The following GRIP1 variants were observed in gnomAD, a reference collection of about 807,000 sequenced individuals.
The protein encoded by GRIP1 is glutamate receptor-interacting protein 1.
GRIP1 carries 45 observed loss-of-function variants against 129.9 expected under a neutral mutation model. That is an observed-to-expected ratio of 0.35 (90% confidence interval 0.27 to 0.44). The LOEUF (loss-of-function observed/expected upper bound fraction) is 0.44, where lower values mean the gene tolerates loss of function less well. Among genes scored for constraint, GRIP1 ranks in the 20% least tolerant of loss-of-function variants. The pLI is 1.00. For missense variants in GRIP1, 1,196 were observed against 1,396.8 expected, an observed-to-expected ratio of 0.86 and a Z score of 2.29; for synonymous variants, 530 against 520.8, an observed-to-expected ratio of 1.02 and a Z score of -0.24.
intron 15 of GRIP1, among the ~76,000 whole-genome samples, chr12:66,416,200 C>T (rs763838347): frequency 1.3e-4 from 20 of 151,926 alleles, no homozygotes; most frequent in Non-Finnish European, 1.9e-4. Context: ...TAAAAAATTT[C>T]GTGAAACAAA....
Position 66,700,430 on chromosome 12 carries a change from G to A in GRIP1, c.-419-70094C>T, listed in dbSNP as rs142658295. ...GTGATGGGAACCAGTGCCAGTGGCA[G>A]CTTTTTTTTTTTTTTTTAAATTAAG... On this transcript the variant is annotated intron_variant, in intron 1 of 4. Coordinates refer to the GRIP1 transcript ENST00000538373. 8.5e-3 allele frequency among the ~76,000 whole-genome samples: 1,266 copies of A among 149,050 alleles called. 21 individuals are homozygous for A. Among genetic ancestry groups the A allele is most frequent in the African/African-American group, 0.029 (1,168 of 40,258 alleles).
intron 1 of GRIP1, among the ~76,000 whole-genome samples, chr12:66,978,578 G>A (rs1019156612): frequency 6.6e-6 from 1 of 152,142 alleles, no homozygotes; most frequent in Non-Finnish European, 1.5e-5. Context: ...CATAGCTGAT[G>A]ATGCCCAGGC....
chr12:66,924,191 T>C, intron 1 of GRIP1, among the ~76,000 whole-genome samples: 1 of 152,288 alleles, frequency 6.6e-6, no homozygotes, highest in East Asian at 1.9e-4. Flanking sequence ...CAGAAAGCAC[T>C]GAAACAATTT....
chr12:66,822,493 T>C (rs1300441691), intron 1 of GRIP1, among the ~76,000 whole-genome samples: 4 of 152,178 alleles, frequency 2.6e-5, no homozygotes, highest in Non-Finnish European at 4.4e-5. Flanking sequence ...GGCAATCCCA[T>C]TACTTGGTAT....
At chr12:67,045,890 T>A (rs1218060005) in intron 1 of GRIP1, among the ~76,000 whole-genome samples, 1 of 152,148 alleles carries the variant, frequency 6.6e-6, no homozygotes, top group Admixed American at 6.6e-5. Context: ...CCGCAACAGT[T>A]AAAGAGACTG....
intron 1 of GRIP1, among the ~76,000 whole-genome samples, chr12:66,677,328 T>C (rs10878495): frequency 0.19 from 28,971 of 152,146 alleles, 2,972 homozygotes; most frequent in East Asian, 0.26. Context: ...GTAGTACTTA[T>C]AAAAGAACTG....
chr12:66,509,804 AG>A (rs1413483548), intron 7 of GRIP1, among the ~76,000 whole-genome samples: 1 of 152,114 alleles, frequency 6.6e-6, no homozygotes, highest in Non-Finnish European at 1.5e-5. Context: ...TCACGGGGGC[AG>A]GGGAAGGGAG....
chr12:66,975,720 G>C (rs1056214328), intron 1 of GRIP1, among the ~76,000 whole-genome samples: 1 of 152,168 alleles, frequency 6.6e-6, no homozygotes, highest in Non-Finnish European at 1.5e-5. Flanking sequence ...CCAGTTAGGA[G>C]AGTGTTCCCA....
intron 23 of GRIP1, among the ~76,000 whole-genome samples, chr12:66,358,863 T>C (rs1490652884): frequency 6.6e-6 from 1 of 152,196 alleles, no homozygotes. Context: ...GTTATTAGAA[T>C]TGGTAATAGA....
chr12:66,947,883 A>T lies in GRIP1; in HGVS notation c.58+121167T>A, dbSNP rs1443017681. On this transcript the variant is annotated intron_variant, in intron 1 of 1. Coordinates refer to the GRIP1 transcript ENST00000643019. ...CATTTGCAGCTGAAATGAAGGAACC[A>T]TCTTCATGTTCCAGGGCATGAAGGG... Among the ~76,000 whole-genome samples, 3 of 152,222 alleles carry T rather than the reference A, an allele frequency of 2.0e-5. No individual in the cohort carries two copies. The East Asian group carries it at 5.8e-4, about 29-fold the overall frequency.
chr12:67,035,613 T>G (rs2043083481), intron 1 of GRIP1: 2 of 152,166 alleles, frequency 1.3e-5, no homozygotes, highest in Non-Finnish European at 2.9e-5. Context: ...CATGATGCGT[T>G]TGCAGGAAAA....
chr12:66,665,520 G>C (rs1392477290), intron 1 of GRIP1, among the ~76,000 whole-genome samples: 1 of 152,112 alleles, frequency 6.6e-6, no homozygotes, highest in Non-Finnish European at 1.5e-5. Context: ...ATTTGGAATG[G>C]TTTTGAGATC....
intron 1 of GRIP1, among the ~76,000 whole-genome samples, chr12:66,615,168 A>G (rs1300999393): frequency 6.6e-6 from 1 of 152,172 alleles, no homozygotes; most frequent in Non-Finnish European, 1.5e-5. Context: ...TATTGGCTGA[A>G]TATTTTGAAT....
At chr12:66,422,000 A>C (rs971435076) in intron 14 of GRIP1, among the ~76,000 whole-genome samples, 3 of 152,194 alleles carry the variant, frequency 2.0e-5, no homozygotes, top group African/African-American at 7.2e-5. Flanking sequence ...ATTTGCCTCC[A>C]AGAGGAGATA....
intron 14 of GRIP1, among the ~76,000 whole-genome samples, chr12:66,424,108 A>C (rs939247434): frequency 2.0e-5 from 3 of 152,180 alleles, no homozygotes; most frequent in Non-Finnish European, 4.4e-5. Context: ...TGAGTCATTT[A>C]CAAGCTTGTT....
chr12:66,512,244 T>A (rs2060720389), intron 7 of GRIP1, among the ~76,000 whole-genome samples: 1 of 152,100 alleles, frequency 6.6e-6, no homozygotes, highest in South Asian at 2.1e-4. Flanking sequence ...GGCACTGCTA[T>A]AAAGATACTC....
intron 1 of GRIP1, among the ~76,000 whole-genome samples, chr12:67,028,387 A>G (rs1211685309): frequency 6.6e-6 from 1 of 152,200 alleles, no homozygotes; most frequent in African/African-American, 2.4e-5. Flanking sequence ...ACTTTTAAAT[A>G]GATGTATTTT....
chr12:66,939,705 A>G (rs1449417459), intron 1 of GRIP1, among the ~76,000 whole-genome samples: 1 of 152,228 alleles, frequency 6.6e-6, no homozygotes, highest in Non-Finnish European at 1.5e-5. Context: ...GCCAAAAAAA[A>G]AAGTATTCCC....
intron 1 of GRIP1, among the ~76,000 whole-genome samples, chr12:67,042,211 T>G (rs748675578): frequency 1.3e-5 from 2 of 152,184 alleles, no homozygotes; most frequent in Non-Finnish European, 2.9e-5. Flanking sequence ...TCTCCAGAAC[T>G]GTAAGCCAAA....
Sources: allele counts gnomAD v4.1 joint callset (sites outside exome capture counted in the v4.1 genomes callset), GRCh38; gene constraint gnomAD v4.1.1; transcripts MANE v1.5; gene names NCBI Gene and HGNC (gene_info 2026-07-23, HGNC 2026-07-21).